GPR158: variants seen among roughly 807,000 people sequenced by gnomAD.
GPR158 encodes the protein metabotropic glycine receptor.
GPR158 carries 30 observed loss-of-function variants against 78.2 expected under a neutral mutation model. The observed-to-expected ratio is 0.38, with a 90% CI of 0.29 to 0.52. GPR158 has a LOEUF of 0.52. Among genes scored for constraint, GPR158 ranks in the 20% least tolerant of loss-of-function variants. The probability of loss-of-function intolerance (pLI) is 0.83; values close to 1 mark genes in which losing one functional copy is unlikely to be tolerated. For missense variants in GPR158, 1,463 were observed against 1,523.5 expected, an observed-to-expected ratio of 0.96 and a Z score of 0.66; for synonymous variants, 581 against 591.1, an observed-to-expected ratio of 0.98 and a Z score of 0.25.
At chr10:25,344,488 T>G (rs1240800748) in intron 2 of GPR158, among the ~76,000 whole-genome samples, 3 of 151,890 alleles carry the variant, frequency 2.0e-5, no homozygotes, top group Non-Finnish European at 2.9e-5. Flanking sequence ...AATAGATCTC[T>G]TGAATTTATT....
intron 2 of GPR158, among the ~76,000 whole-genome samples, chr10:25,245,100 T>C (rs550900689): frequency 6.6e-6 from 1 of 152,380 alleles, no homozygotes; most frequent in East Asian, 1.9e-4. Flanking sequence ...TCTCAACTAC[T>C]AATTTCGTCC....
chr10:25,223,511 A>G (rs1356306690), intron 2 of GPR158, among the ~76,000 whole-genome samples: 1 of 152,176 alleles, frequency 6.6e-6, no homozygotes, highest in African/African-American at 2.4e-5. Flanking sequence ...TCCTCAGTGT[A>G]GTTACTGGGA....
chr10:25,262,777 TC>T (rs1243211421), intron 2 of GPR158, among the ~76,000 whole-genome samples: 1 of 152,222 alleles, frequency 6.6e-6, no homozygotes, highest in Non-Finnish European at 1.5e-5. Flanking sequence ...CATTGTACAT[TC>T]TACTATAGAT....
chr10:25,547,729 A>G (rs1588907318), intron 5 of GPR158, among the ~76,000 whole-genome samples: 1 of 152,180 alleles, frequency 6.6e-6, no homozygotes, highest in Non-Finnish European at 1.5e-5. Flanking sequence ...CTGGATTCAG[A>G]TCCTGGCTCT....
intron 5 of GPR158, among the ~76,000 whole-genome samples, chr10:25,515,354 T>A (rs1222111178): frequency 1.3e-5 from 2 of 152,096 alleles, no homozygotes; most frequent in African/African-American, 2.4e-5. Context: ...TGATTGTTTT[T>A]AATTTATGTT....
chr10:25,187,110 G>T lies in GPR158; in HGVS notation c.902+10788G>T, dbSNP rs547539459. 2.0e-5 allele frequency among the ~76,000 whole-genome samples: 3 copies of T among 151,852 alleles called. No individual in the cohort carries two copies. In the East Asian group the frequency reaches 5.8e-4, roughly 30 times the overall value. On this transcript the variant is annotated intron_variant, in intron 1 of 10. Coordinates refer to ENST00000376351, the MANE Select transcript of GPR158 (RefSeq NM_020752.3). ...CTCCCGAGTATCTAGGACTACAGGCGCCCGCCATCACGCCCGGCTATTTTT... is the reference window on the plus strand; with the variant it reads ...CTCCCGAGTATCTAGGACTACAGGCTCCCGCCATCACGCCCGGCTATTTTT...
intron 2 of GPR158, among the ~76,000 whole-genome samples, chr10:25,316,887 T>TTGTG (rs35949163): frequency 1.5e-4 from 19 of 127,198 alleles, no homozygotes; most frequent in East Asian, 4.1e-4. Context: ...ATGTATGTAT[T>TTGTG]TGTGTGTGTG....
chr10:25,568,885 G>GA (rs1181417690), intron 6 of GPR158, among the ~76,000 whole-genome samples: 1 of 152,056 alleles, frequency 6.6e-6, no homozygotes, highest in Non-Finnish European at 1.5e-5. Context: ...ACTTATCTAT[G>GA]AAAAAATAGT....
rs142073797 is a variant in GPR158 at position 25,581,198 on chromosome 10, G to C, written c.1754-7809G>C. ...CCGCCTCGGCCTCCCAAAGTGCTGG[G>C]ATTACAGGCTTGAGCCACCGCGCCC... On this transcript the variant is annotated intron_variant, in intron 7 of 10. Transcript: ENST00000376351. Among the ~76,000 whole-genome samples the C allele has an allele frequency of 7.9e-5, 12 of 152,162 alleles. No individual in the cohort carries two copies. In the East Asian group the frequency reaches 2.3e-3, roughly 29 times the overall value.
intron 5 of GPR158, among the ~76,000 whole-genome samples, chr10:25,470,278 G>A (rs2130622190): frequency 6.6e-6 from 1 of 152,212 alleles, no homozygotes; most frequent in Admixed American, 6.5e-5. Context: ...AATCTCCAAT[G>A]CAATGTTGTT....
intron 2 of GPR158, among the ~76,000 whole-genome samples, chr10:25,356,855 CT>C (rs1433019911): frequency 1.3e-5 from 2 of 152,014 alleles, no homozygotes; most frequent in African/African-American, 4.8e-5. Flanking sequence ...GTGGAAATGA[CT>C]TTGGAATTGG....
rs139525523 is a variant in GPR158, at chr10:25,403,531, GTC to G, written c.1111+7521_1111+7522del. On this transcript the variant is annotated intron_variant, in intron 3 of 10. Coordinates refer to ENST00000376351, the MANE Select transcript of GPR158 (RefSeq NM_020752.3). ...TATTTGTTTTATCTGAAAGTTCTAA[GTC>G]TCATCTTCAAGGGTTTTTAGATTTC... Among the ~76,000 whole-genome samples the G allele has an allele frequency of 8.8e-3, 1,340 of 152,098 alleles. 19 individuals are homozygous for G. Among genetic ancestry groups the G allele is most frequent in the African/African-American group, 0.023 (952 of 41,514 alleles).
At chr10:25,253,642 C>T (rs1458732020) in intron 2 of GPR158, among the ~76,000 whole-genome samples, 1 of 152,062 alleles carries the variant, frequency 6.6e-6, no homozygotes, top group East Asian at 1.9e-4. Context: ...AGAACATTTT[C>T]CAATGAATGA....
intron 5 of GPR158, among the ~76,000 whole-genome samples, chr10:25,503,908 T>G (rs974905413): frequency 3.3e-5 from 5 of 149,772 alleles, no homozygotes; most frequent in African/African-American, 1.3e-4. Flanking sequence ...TTTTTTTTTT[T>G]GAGACAGAGC....
At chr10:25,511,886 G>A (rs939022317) in intron 5 of GPR158, among the ~76,000 whole-genome samples, 6 of 152,102 alleles carry the variant, frequency 3.9e-5, no homozygotes, top group Non-Finnish European at 5.9e-5. Context: ...TGTTTCATTG[G>A]TCTATGTGCC....
At chr10:25,338,355 C>A (rs1855240160) in intron 2 of GPR158, among the ~76,000 whole-genome samples, 1 of 147,318 alleles carries the variant, frequency 6.8e-6, no homozygotes, top group Admixed American at 6.9e-5. Flanking sequence ...GCAGCTTTCC[C>A]ATAAATCTGA....
chr10:25,502,627 G>A (rs1242102941), intron 5 of GPR158, among the ~76,000 whole-genome samples: 1 of 152,106 alleles, frequency 6.6e-6, no homozygotes, highest in African/African-American at 2.4e-5. Context: ...AGTACAATGA[G>A]CAAACTAAGA....
At chr10:25,209,468 CT>C (rs375409836) in intron 1 of GPR158, among the ~76,000 whole-genome samples, 4,023 of 148,684 alleles carry the variant, frequency 0.027, 153 homozygotes, top group African/African-American at 0.083. Context: ...TTTTTTTTTT[CT>C]TCCCACTAAA....
chr10:25,305,859 A>G (rs532102218), intron 2 of GPR158, among the ~76,000 whole-genome samples: 31 of 152,294 alleles, frequency 2.0e-4, no homozygotes, highest in African/African-American at 7.5e-4. Context: ...CATGAAGTAG[A>G]AGAGGTATTT....
Sources: gnomAD v4.1 joint callset for allele counts (sites outside exome capture counted in the v4.1 genomes callset) on GRCh38, gnomAD v4.1.1 for gene constraint, MANE v1.5 for transcripts, NCBI Gene and HGNC (gene_info 2026-07-23, HGNC 2026-07-21) for gene names.